The following SNED1 variants were observed in gnomAD, a reference collection of about 807,000 sequenced individuals.
SNED1 encodes sushi, nidogen and EGF-like domain-containing protein 1.
A neutral mutation model predicts 166.7 loss-of-function variants in SNED1; 81 were observed. The observed-to-expected ratio is 0.49, with a 90% CI of 0.41 to 0.58. The LOEUF is 0.58. Ranked by LOEUF, SNED1 falls within the 20% of genes least tolerant of loss-of-function variation. The probability of loss-of-function intolerance (pLI) is 0.00; values close to 1 mark genes in which losing one functional copy is unlikely to be tolerated. For missense variants in SNED1, 1,604 were observed against 2,000.2 expected, an observed-to-expected ratio of 0.80 and a Z score of 3.78; for synonymous variants, 762 against 822.0, an observed-to-expected ratio of 0.93 and a Z score of 1.25.
intron 6 of SNED1, among the ~76,000 whole-genome samples, chr2:241,039,188 G>T (rs745523943): frequency 2.6e-5 from 4 of 152,164 alleles, no homozygotes; most frequent in African/African-American, 9.7e-5. Context: ...GCAACTAAAG[G>T]CTAGGGTGTG....
In SNED1 at chr2:241,078,107, G is replaced by A. The variant is rs1053860669; in HGVS notation, c.3917-3570G>A. Among the ~76,000 whole-genome samples, 6 of 152,238 alleles carry A rather than the reference G, an allele frequency of 3.9e-5. No homozygotes were observed. In the East Asian group the frequency reaches 7.7e-4, roughly 20 times the overall value. On this transcript the variant is annotated intron_variant, in intron 27 of 31. Coordinates refer to ENST00000310397, the MANE Select transcript of SNED1 (RefSeq NM_001080437.3). ...TCAACTAACGAAAGGAAAAGTGGCC[G>A]GGCGCGGTGGCTCACGCCTGTAATC...
intron 1 of SNED1, among the ~76,000 whole-genome samples, chr2:241,022,665 G>A (rs1045118007): frequency 3.3e-5 from 5 of 152,140 alleles, no homozygotes; most frequent in Non-Finnish European, 5.9e-5. Flanking sequence ...TCTCCACTGG[G>A]ATCCTGGAAG....
intron 2 of SNED1, among the ~76,000 whole-genome samples, chr2:241,031,512 C>T (rs900512697): frequency 1.3e-5 from 2 of 152,236 alleles, no homozygotes; most frequent in African/African-American, 2.4e-5. Context: ...AGACAAGACG[C>T]ATCTGCCCCG....
intron 16 of SNED1, among the ~76,000 whole-genome samples, chr2:241,057,394 T>C (rs1288767982): frequency 5.0e-5 from 7 of 140,202 alleles, no homozygotes; most frequent in Admixed American, 7.1e-5. Context: ...TATATATATA[T>C]ATATATATAT....
At chr2:241,033,995 G>C (rs2061266230) in intron 3 of SNED1, 120 bp downstream of exon 3, 28 of 1,240,626 alleles carry the variant, frequency 2.3e-5, no homozygotes, top group Non-Finnish European at 3.0e-5. Flanking sequence ...ACCGTGCAGA[G>C]GCCAACGAGA....
At position 241,064,169 on chromosome 2, in the gene SNED1, C is replaced by G. The variant is rs752785827; in HGVS notation, c.2599+44C>G. On this transcript the variant is annotated intron_variant, in intron 19 of 31. Coordinates refer to ENST00000310397, the MANE Select transcript of SNED1 (RefSeq NM_001080437.3). The surrounding 1 kb of genome is among the most constrained non-coding windows in gnomAD (Gnocchi z 7.0). ...CTGCTCCCCGCCCTCTGCCCGCCTG[C>G]TCCCCGCCCTCTGCCCGCCTGCTGC... The G allele has an allele frequency of 1.1e-4, 152 of 1,343,902 alleles. No individual in the cohort carries two copies. In the African/African-American group the frequency reaches 2.1e-3, roughly 19 times the overall value. 83.2% of individuals were successfully genotyped at this position (1,343,902 alleles called of 1,614,324 possible). A position where few individuals can be genotyped will look rare whatever the true frequency, so the allele number is the denominator to read the frequency against.
Position 240,998,742 on chromosome 2 carries a change from C to A in SNED1, c.-96C>A. On this transcript the variant is annotated 5_prime_UTR_variant, in exon 1 of 32. Transcript: ENST00000310397. The stretch of plus-strand genomic sequence containing the variant: ...GGCCAGCGGGCGCGCCCGCGCTCCC[C>A]GCACCCCGCCTGGCCCTGCCGGCCA... 2.1e-6 allele frequency: 1 copy of A among 466,956 alleles called. No individual in the cohort carries two copies. Among genetic ancestry groups the A allele is most frequent in the Non-Finnish European group, 2.8e-6 (1 of 356,862 alleles). The allele number at this position is 466,956 out of a possible 1,614,324, so 28.9% of individuals were successfully genotyped here. A position where few individuals can be genotyped will look rare whatever the true frequency, so the allele number is the denominator to read the frequency against.
chr2:241,087,324 C>A, intron 29 of SNED1, 68 bp from the exon 30 acceptor site: 1 of 1,471,894 alleles, frequency 6.8e-7, no homozygotes, highest in Non-Finnish European at 9.2e-7. Flanking sequence ...GTTCACATAG[C>A]CTAGGTTAAG....
intron 8 of SNED1, among the ~76,000 whole-genome samples, chr2:241,045,637 C>T (rs2061625978): frequency 6.7e-6 from 1 of 148,346 alleles, no homozygotes; most frequent in Admixed American, 6.7e-5. Flanking sequence ...ACACCTTATA[C>T]AAAGATTAAC....
intron 1 of SNED1, among the ~76,000 whole-genome samples, chr2:241,001,566 G>A (rs2060078556): frequency 6.6e-6 from 1 of 152,260 alleles, no homozygotes; most frequent in African/African-American, 2.4e-5. Context: ...GCCGAGGAGT[G>A]TGGCGTGCTG....
intron 1 of SNED1, among the ~76,000 whole-genome samples, chr2:241,027,067 T>C (rs2060990611): frequency 6.6e-6 from 1 of 150,664 alleles, no homozygotes; most frequent in African/African-American, 2.5e-5. Context: ...TGTTGTAACC[T>C]ATGACAGATT....
intron 12 of SNED1, among the ~76,000 whole-genome samples, chr2:241,050,753 A>G (rs2125098361): frequency 6.6e-6 from 1 of 152,242 alleles, no homozygotes; most frequent in East Asian, 1.9e-4. Context: ...GAGGCCCTTC[A>G]TGGGCCCTGC....
chr2:241,030,543 CCTT>C lies in SNED1; in HGVS notation c.477_479del (p.Phe160del), dbSNP rs776306162. 1.2e-6 allele frequency: 2 copies of C among 1,613,864 alleles called. No individual in the cohort carries two copies. Among genetic ancestry groups the C allele is most frequent in the Non-Finnish European group, 1.7e-6 (2 of 1,179,884 alleles). Reference sequence around the variant, plus strand: ...TTTGTTGCCACCTGGTACCGAGTGACCTTCTTTGGAGGCAGTTCCTCATCCCCT... The same window carrying C: ...TTTGTTGCCACCTGGTACCGAGTGACCTTTGGAGGCAGTTCCTCATCCCCT... On this transcript the variant is annotated inframe_deletion, in exon 2 of 32. Transcript: ENST00000310397.
chr2:241,088,178 G>A, intron 30 of SNED1, 187 bp from the exon 31 acceptor site: 1 of 589,244 alleles, frequency 1.7e-6, no homozygotes, highest in Non-Finnish European at 3.1e-6. Flanking sequence ...ACTGCCTCAA[G>A]CCAGGCGGGC....
chr2:241,072,194 C>T lies in SNED1; in HGVS notation c.3817+316C>T, dbSNP rs765970766. ...GAGACATTACAGCAGCTTTATTTGCCAAAGTAGGGCTCTGAGCTTTGTTTT... is the reference window on the plus strand; with the variant it reads ...GAGACATTACAGCAGCTTTATTTGCTAAAGTAGGGCTCTGAGCTTTGTTTT... On this transcript the variant is annotated intron_variant, in intron 26 of 31. Coordinates refer to ENST00000310397, the MANE Select transcript of SNED1 (RefSeq NM_001080437.3). 2.0e-5 allele frequency: 12 copies of T among 593,080 alleles called. No individual in the cohort carries two copies. In the East Asian group the frequency reaches 3.8e-4, roughly 19 times the overall value. 36.7% of individuals were successfully genotyped at this position (593,080 alleles called of 1,614,324 possible).
Position 241,070,299 on chromosome 2 carries a change from G to A in SNED1, c.3589+98G>A, listed in dbSNP as rs147257769. 29 of 1,289,096 alleles carry A rather than the reference G, an allele frequency of 2.2e-5. No individual in the cohort carries two copies. The African/African-American group carries it at 4.2e-4, about 19-fold the overall frequency. The allele number at this position is 1,289,096 out of a possible 1,614,324, so 79.9% of individuals were successfully genotyped here. ...GGCCCTGCAGGGGCCTGGGATGCCA[G>A]GCAGACAGCCTAGAAACAGGACCGT... On this transcript the variant is annotated intron_variant, in intron 24 of 31. Coordinates refer to ENST00000310397, the MANE Select transcript of SNED1 (RefSeq NM_001080437.3).
intron 1 of SNED1, among the ~76,000 whole-genome samples, chr2:241,002,630 G>A (rs1559206481): frequency 6.6e-6 from 1 of 152,152 alleles, no homozygotes; most frequent in Non-Finnish European, 1.5e-5. Context: ...CATGAGCCCA[G>A]GACAGCTGTG....
Position 241,069,083 on chromosome 2 carries a change from C to A in SNED1, c.3307+60C>A. The A allele has an allele frequency of 8.4e-7, 1 of 1,190,870 alleles. No individual in the cohort carries two copies. The highest frequency in any genetic ancestry group is 2.2e-5 in the Admixed American group (1 of 46,258). 73.8% of individuals were successfully genotyped at this position (1,190,870 alleles called of 1,614,324 possible). On this transcript the variant is annotated intron_variant, in intron 23 of 31. Transcript: ENST00000310397. The surrounding 1 kb of genome is among the most constrained non-coding windows in gnomAD (Gnocchi z 4.9). ...GGCCGTCTTCTAGAAGCTCTGGCTT[C>A]CTTCCAGCCTCCCCTAGTCCTCTCC...
chr2:241,081,314 C>T (rs902446559), intron 27 of SNED1, among the ~76,000 whole-genome samples: 19 of 152,180 alleles, frequency 1.2e-4, no homozygotes, highest in African/African-American at 4.3e-4. Flanking sequence ...AGGGGCAAAG[C>T]CAGCAAGGGT....
Sources: gnomAD v4.1 joint callset for allele counts (sites outside exome capture counted in the v4.1 genomes callset) on GRCh38, gnomAD v4.1.1 for gene constraint, Gnocchi (gnomAD v3.1) non-coding constraint, MANE v1.5 for transcripts, NCBI Gene and HGNC (gene_info 2026-07-23, HGNC 2026-07-21) for gene names.